Variants in SLC25A26 observed in about 807,000 individuals in gnomAD.
The protein encoded by SLC25A26 is solute carrier family 25 member 26, also known as mitochondrial S-adenosylmethionine carrier protein.
A neutral mutation model predicts 37.8 loss-of-function variants in SLC25A26; 36 were observed. That is an observed-to-expected ratio of 0.95 (90% CI 0.73 to 1.26). The LOEUF (loss-of-function observed/expected upper bound fraction) is 1.26, where lower values mean the gene tolerates loss of function less well. Among genes scored for constraint, SLC25A26 ranks in the 50% most tolerant of loss-of-function variants. SLC25A26 has a pLI of 0.00. For missense variants in SLC25A26, 390 were observed against 331.1 expected, an observed-to-expected ratio of 1.18 and a Z score of -1.38; for synonymous variants, 129 against 122.5, an observed-to-expected ratio of 1.05 and a Z score of -0.35.
intron 1 of SLC25A26, among the ~76,000 whole-genome samples, chr3:66,176,765 G>T (rs1033082789): frequency 2.6e-5 from 4 of 152,148 alleles, no homozygotes; most frequent in African/African-American, 9.7e-5. Flanking sequence ...TTTCTCCTAA[G>T]GGTCCTCTCC....
chr3:66,143,557 G>T (rs953118406), intron 1 of SLC25A26, among the ~76,000 whole-genome samples: 2 of 152,034 alleles, frequency 1.3e-5, no homozygotes, highest in African/African-American at 4.8e-5. Flanking sequence ...CCTAATTTGT[G>T]ATGCAAAATG....
At position 66,182,770 on chromosome 3, in the gene SLC25A26, G is replaced by A. The variant is rs139966941; in HGVS notation, c.-353-37972G>A. ...AAGACCAGGGAATCTCTGACAAGTCGTCCTCTGCTCCTAATAAAGAGAATT... is the reference window on the plus strand; with the variant it reads ...AAGACCAGGGAATCTCTGACAAGTCATCCTCTGCTCCTAATAAAGAGAATT... On this transcript the variant is annotated intron_variant, in intron 1 of 10. Transcript: ENST00000676754. Among the ~76,000 whole-genome samples, 849 of 151,438 alleles carry A rather than the reference G, an allele frequency of 5.6e-3. 10 individuals carry two copies. The highest frequency in any genetic ancestry group is 0.02 in the African/African-American group (815 of 41,190).
At chr3:66,285,574 G>A (rs933977515) in intron 5 of SLC25A26, among the ~76,000 whole-genome samples, 9 of 77,822 alleles carry the variant, frequency 1.2e-4, no homozygotes, top group Non-Finnish European at 1.7e-4. Flanking sequence ...GTTCTCCAGC[G>A]TCAGCCTCCT....
intron 5 of SLC25A26, among the ~76,000 whole-genome samples, chr3:66,332,326 T>C (rs1457913011): frequency 2.0e-5 from 3 of 152,220 alleles, no homozygotes; most frequent in Admixed American, 6.5e-5. Flanking sequence ...TTTCATACTT[T>C]CAATTCAGTC....
chr3:66,221,930 C>G (rs912525914), intron 1 of SLC25A26, among the ~76,000 whole-genome samples: 2 of 151,778 alleles, frequency 1.3e-5, no homozygotes, highest in Non-Finnish European at 2.9e-5. Context: ...ACTTAATTAT[C>G]GAATTTTGGT....
At chr3:66,180,359 A>G (rs1214738365) in intron 1 of SLC25A26, among the ~76,000 whole-genome samples, 2 of 152,204 alleles carry the variant, frequency 1.3e-5, no homozygotes, top group Non-Finnish European at 2.9e-5. Flanking sequence ...TAAGTTTCTA[A>G]TGGCCTAGGA....
chr3:66,221,692 C>G (rs996461199), intron 1 of SLC25A26, among the ~76,000 whole-genome samples: 3 of 151,418 alleles, frequency 2.0e-5, no homozygotes, highest in African/African-American at 7.3e-5. Flanking sequence ...AATAAACAGG[C>G]TTAGTATTTA....
intron 1 of SLC25A26, among the ~76,000 whole-genome samples, chr3:66,210,657 A>G (rs2071272927): frequency 6.6e-6 from 1 of 152,060 alleles, no homozygotes; most frequent in Non-Finnish European, 1.5e-5. Flanking sequence ...GGGCTATAGA[A>G]GCAGGCCAAC....
At chr3:66,372,443 G>C (rs1379695489) in intron 9 of SLC25A26, among the ~76,000 whole-genome samples, 1 of 152,182 alleles carries the variant, frequency 6.6e-6, no homozygotes, top group African/African-American at 2.4e-5. Context: ...CCTGGTTGTG[G>C]CATGTCTTAT....
intron 1 of SLC25A26, among the ~76,000 whole-genome samples, chr3:66,230,391 G>C (rs1328402623): frequency 6.6e-6 from 1 of 152,178 alleles, no homozygotes; most frequent in Non-Finnish European, 1.5e-5. Flanking sequence ...ATGTGGCATT[G>C]GGTTGCAGCT....
At chr3:66,329,242 A>G (rs908547069) in intron 5 of SLC25A26, among the ~76,000 whole-genome samples, 9 of 152,170 alleles carry the variant, frequency 5.9e-5, no homozygotes, top group African/African-American at 1.7e-4. Flanking sequence ...CATGCATACC[A>G]TAATTTTTAT....
chr3:66,250,276 C>T (rs1019419232), intron 3 of SLC25A26, among the ~76,000 whole-genome samples: 2 of 152,160 alleles, frequency 1.3e-5, no homozygotes, highest in African/African-American at 4.8e-5. Context: ...ATCTGAAGTT[C>T]CTAATACGTT....
intron 5 of SLC25A26, among the ~76,000 whole-genome samples, chr3:66,301,738 T>C (rs1307223828): frequency 6.6e-6 from 1 of 152,206 alleles, no homozygotes; most frequent in Non-Finnish European, 1.5e-5. Context: ...TATATGTAGT[T>C]ACAGAGAGAT....
intron 3 of SLC25A26, among the ~76,000 whole-genome samples, chr3:66,253,972 G>A (rs1047272372): frequency 4.6e-5 from 7 of 152,206 alleles, no homozygotes; most frequent in South Asian, 2.1e-4. Context: ...TGTTGATAGA[G>A]TTATTTTCTT....
chr3:66,175,095 G>T (rs1466843588), intron 1 of SLC25A26, among the ~76,000 whole-genome samples: 1 of 93,910 alleles, frequency 1.1e-5, no homozygotes, highest in Non-Finnish European at 2.1e-5. Flanking sequence ...ATATGTATAT[G>T]TATATGTGTG....
chr3:66,343,504 A>T (rs1349665910), intron 5 of SLC25A26, among the ~76,000 whole-genome samples: 1 of 152,216 alleles, frequency 6.6e-6, no homozygotes, highest in Non-Finnish European at 1.5e-5. Context: ...GCCATTCCAA[A>T]TGTGTGATTT....
intron 5 of SLC25A26, among the ~76,000 whole-genome samples, chr3:66,263,910 G>A (rs923634340): frequency 5.9e-5 from 9 of 151,954 alleles, no homozygotes; most frequent in East Asian, 2.0e-4. Context: ...CTCCCGCCTC[G>A]GCCTCCCAAA....
chr3:66,262,992 G>A (rs1231462273), intron 4 of SLC25A26, among the ~76,000 whole-genome samples: 4 of 152,164 alleles, frequency 2.6e-5, no homozygotes, highest in East Asian at 1.9e-4. Context: ...CTTTTCAAGA[G>A]AACACATGTT....
intron 5 of SLC25A26, among the ~76,000 whole-genome samples, chr3:66,279,645 T>C (rs2074271954): frequency 6.6e-6 from 1 of 152,138 alleles, no homozygotes; most frequent in South Asian, 2.1e-4. Flanking sequence ...CACTGGTTTG[T>C]TTTTTATAGT....
Sources: allele counts gnomAD v4.1 joint callset (sites outside exome capture counted in the v4.1 genomes callset), GRCh38; gene constraint gnomAD v4.1.1; transcripts MANE v1.5; gene names NCBI Gene and HGNC (gene_info 2026-07-23, HGNC 2026-07-21).